The following OSBPL3 variants were observed in gnomAD, a reference collection of about 807,000 sequenced individuals.
OSBPL3 encodes oxysterol-binding protein-related protein 3.
Under a neutral mutation model 120.1 loss-of-function variants are expected in OSBPL3, and 65 were observed. The ratio of observed to expected loss-of-function variants is 0.54; its 90% CI spans 0.44 to 0.67. OSBPL3 has a LOEUF of 0.67. OSBPL3 is among the 30% of genes least tolerant of loss of function. OSBPL3 has a pLI of 0.00. For synonymous variants in OSBPL3, 416 were observed against 402.6 expected (o/e 1.03, Z -0.40); for missense variants, 1,004 against 1,082.1 (o/e 0.93, Z 1.01).
chr7:24,977,795 G>T, intron 1 of OSBPL3, among the ~76,000 whole-genome samples: 1 of 152,248 alleles, frequency 6.6e-6, no homozygotes, highest in East Asian at 1.9e-4. Flanking sequence ...GGCGGAGTTT[G>T]CAGTGAGCCG....
At chr7:24,974,891 G>C (rs975459785) in intron 1 of OSBPL3, among the ~76,000 whole-genome samples, 1 of 152,184 alleles carries the variant, frequency 6.6e-6, no homozygotes. Context: ...AACTTTTTTA[G>C]AGGGTGATAA....
chr7:24,845,100 T>G (rs1461354524), intron 12 of OSBPL3, among the ~76,000 whole-genome samples: 1 of 152,070 alleles, frequency 6.6e-6, no homozygotes, highest in African/African-American at 2.4e-5. Flanking sequence ...TTTCAAAGAA[T>G]TATTAATAAC....
intron 1 of OSBPL3, among the ~76,000 whole-genome samples, chr7:24,904,235 C>T (rs1807514037): frequency 6.6e-6 from 1 of 152,180 alleles, no homozygotes; most frequent in African/African-American, 2.4e-5. Context: ...CTCTTCCTAA[C>T]AAAGACAGTA....
In OSBPL3 at chr7:24,820,260, A is replaced by G; in HGVS notation, c.1885-22T>C. ...TGACCTGATGGAAACAAAGGACAGA[A>G]AAACAAAAAATGAATGAACTTTTGT... On this transcript the variant is annotated intron_variant, in intron 16 of 22. Coordinates refer to ENST00000313367, the MANE Select transcript of OSBPL3 (RefSeq NM_015550.4). The surrounding 1 kb of genome is among the most constrained non-coding windows in gnomAD (Gnocchi z 4.6). The G allele has an allele frequency of 6.3e-7, 1 of 1,582,934 alleles. No individual in the cohort carries two copies. The highest frequency in any genetic ancestry group is 8.7e-7 in the Non-Finnish European group (1 of 1,154,300).
chr7:24,848,912 C>T (rs1400672955), intron 12 of OSBPL3, among the ~76,000 whole-genome samples, 157 bp downstream of exon 12: 1 of 152,182 alleles, frequency 6.6e-6, no homozygotes, highest in East Asian at 1.9e-4. Context: ...CCCGAGACCC[C>T]AGTCCATGAC....
chr7:24,958,098 T>C (rs917161089), intron 1 of OSBPL3, among the ~76,000 whole-genome samples: 7 of 152,172 alleles, frequency 4.6e-5, no homozygotes, highest in South Asian at 2.1e-4. Context: ...AAAAGGAGAA[T>C]TGTTGGGTCA....
chr7:24,909,891 GCCTCC>G (rs1266014419), intron 1 of OSBPL3, among the ~76,000 whole-genome samples: 1 of 137,906 alleles, frequency 7.3e-6, no homozygotes, highest in Non-Finnish European at 1.5e-5. Flanking sequence ...TGCAACCTCT[GCCTCC>G]CAGGTTCAAG....
chr7:24,801,043 C>T (rs1444366973), intron 22 of OSBPL3, among the ~76,000 whole-genome samples: 1 of 150,786 alleles, frequency 6.6e-6, no homozygotes, highest in Non-Finnish European at 1.5e-5. Context: ...GAGTTCAAGA[C>T]CAGCTTGGCC....
chr7:24,853,129 G>A (rs1476794516), intron 10 of OSBPL3, among the ~76,000 whole-genome samples: 1 of 152,178 alleles, frequency 6.6e-6, no homozygotes, highest in Non-Finnish European at 1.5e-5. Flanking sequence ...TAGATCCTCA[G>A]TGATCAGTGT....
chr7:24,896,202 T>G lies in OSBPL3; in HGVS notation c.-149-3581A>C, dbSNP rs112752497. On this transcript the variant is annotated intron_variant, in intron 1 of 22. Coordinates refer to ENST00000313367, the MANE Select transcript of OSBPL3 (RefSeq NM_015550.4). This position sits in a 1 kb window ranked among gnomAD's most constrained non-coding sequence, Gnocchi z 4.4. ...TTTGTTTCAACAAACCACCTGGTGG[T>G]GAGGTTGAGGAGGAGAGAACTTATG... Among the ~76,000 whole-genome samples the G allele has an allele frequency of 7.6e-4, 116 of 152,308 alleles. 1 individual carries two copies. The highest frequency in any genetic ancestry group is 2.7e-3 in the African/African-American group (114 of 41,564).
intron 1 of OSBPL3, among the ~76,000 whole-genome samples, chr7:24,926,910 A>G (rs1331291182): frequency 6.6e-6 from 1 of 152,218 alleles, no homozygotes; most frequent in Non-Finnish European, 1.5e-5. Context: ...CATCCATGTA[A>G]ATAAAACCAA....
In OSBPL3 at chr7:24,835,361, A is replaced by G. The variant is rs1355018036; in HGVS notation, c.1496-625T>C. 2.6e-5 allele frequency among the ~76,000 whole-genome samples: 4 copies of G among 152,172 alleles called. No individual in the cohort carries two copies. Among genetic ancestry groups the G allele is most frequent in the Admixed American group, 1.3e-4 (2 of 15,282 alleles). On this transcript the variant is annotated intron_variant, in intron 14 of 22. Coordinates refer to ENST00000313367, the MANE Select transcript of OSBPL3 (RefSeq NM_015550.4). This position sits in a 1 kb window ranked among gnomAD's most constrained non-coding sequence, Gnocchi z 4.8. Reference sequence around the variant, plus strand: ...TAGAGAAATGCAAATCAAAACCACAATGAGATATCATCTCATACCAATCAG... The same window carrying G: ...TAGAGAAATGCAAATCAAAACCACAGTGAGATATCATCTCATACCAATCAG...
chr7:24,939,079 T>A lies in OSBPL3; in HGVS notation c.-150+40807A>T, dbSNP rs1444996403. On this transcript the variant is annotated intron_variant, in intron 1 of 22. Coordinates refer to ENST00000313367, the MANE Select transcript of OSBPL3 (RefSeq NM_015550.4). The surrounding 1 kb of genome is among the most constrained non-coding windows in gnomAD (Gnocchi z 4.2). ...GGAACAGTTAAGATAGCCCAAGGAA[T>A]CAGCACTGAGCAAGAAGAGATGGTG... 6.6e-6 allele frequency among the ~76,000 whole-genome samples: 1 copy of A among 151,896 alleles called. No homozygotes were observed. Among genetic ancestry groups the A allele is most frequent in the African/African-American group, 2.4e-5 (1 of 41,344 alleles).
chr7:24,962,159 C>T (rs1030587555), intron 1 of OSBPL3, among the ~76,000 whole-genome samples: 3 of 151,508 alleles, frequency 2.0e-5, no homozygotes, highest in African/African-American at 7.3e-5. Context: ...AAAAATTAGC[C>T]AGGCATGGTG....
At position 24,830,072 on chromosome 7, in the gene OSBPL3, T is replaced by C. The variant is rs1174245048; in HGVS notation, c.1884+696A>G. ...CTATGTAACTTGCCTTGGGTTATCA[T>C]GCTAGTAAGAGGTAGAACTGAGGTA... On this transcript the variant is annotated intron_variant, in intron 16 of 22. Coordinates refer to ENST00000313367, the MANE Select transcript of OSBPL3 (RefSeq NM_015550.4). The surrounding 1 kb of genome is among the most constrained non-coding windows in gnomAD (Gnocchi z 4.4). 2.0e-5 allele frequency among the ~76,000 whole-genome samples: 3 copies of C among 152,218 alleles called. No homozygotes were observed. The highest frequency in any genetic ancestry group is 4.4e-5 in the Non-Finnish European group (3 of 68,028).
chr7:24,803,023 C>A lies in OSBPL3; in HGVS notation c.2567+1292G>T, dbSNP rs1173659400. ...ATGATCAGAAGGGATCTAGTAGAAT[C>A]TACATCAACTTTAGGGAAAAGAGCA... On this transcript the variant is annotated intron_variant, in intron 22 of 22. Transcript: ENST00000313367. This position sits in a 1 kb window ranked among gnomAD's most constrained non-coding sequence, Gnocchi z 4.2. Among the ~76,000 whole-genome samples, 1 of 152,140 alleles carries A rather than the reference C, an allele frequency of 6.6e-6. No homozygotes were observed. The highest frequency in any genetic ancestry group is 1.5e-5 in the Non-Finnish European group (1 of 68,032).
intron 22 of OSBPL3, among the ~76,000 whole-genome samples, chr7:24,800,487 C>T (rs1310512330): frequency 5.8e-5 from 8 of 138,942 alleles, no homozygotes; most frequent in African/African-American, 2.1e-4. Flanking sequence ...GATGGAGGCT[C>T]GCTCTGTCAT....
intron 1 of OSBPL3, among the ~76,000 whole-genome samples, chr7:24,977,736 G>A (rs745503623): frequency 2.0e-5 from 3 of 152,164 alleles, no homozygotes; most frequent in African/African-American, 4.8e-5. Flanking sequence ...GGCGCCTGTA[G>A]TCCCAGCCAC....
Position 24,861,628 on chromosome 7 carries a change from G to T in OSBPL3, c.1012C>A (p.His338Asn). The T allele has an allele frequency of 6.3e-7, 1 of 1,598,736 alleles. No individual in the cohort carries two copies. Among genetic ancestry groups the T allele is most frequent in the South Asian group, 1.1e-5 (1 of 87,826 alleles). ...ACTCATTTACCTTTATGGGCAATAT[G>T]ACACAGATCTTCTTGCATTTTAGAA... is the stretch of plus-strand genomic sequence containing the variant. ...EFSKMQEDLC[H>N]IAHKVYFTLR... is the part of the protein sequence containing the mutation. The change falls in exon 10 of 23, where the codon CAT becomes AAT. Residue 338 changes from histidine (H) to asparagine (N), a missense_variant. This residue lies in a region of OSBPL3 where 272 missense variants were observed against 248.8 expected (regional missense o/e 1.09). Transcript: ENST00000313367.
Sources: gnomAD v4.1 joint callset for allele counts (sites outside exome capture counted in the v4.1 genomes callset) on GRCh38, gnomAD v4.1.1 for gene constraint, gnomAD v4.1.1 regional missense constraint, Gnocchi (gnomAD v3.1) non-coding constraint, MANE v1.5 for transcripts, NCBI Gene and HGNC (gene_info 2026-07-23, HGNC 2026-07-21) for gene names.